INPP4B: variants seen among roughly 807,000 people sequenced by gnomAD.
The protein encoded by INPP4B is inositol polyphosphate 4-phosphatase type II.
INPP4B carries 55 observed loss-of-function variants against 122.5 expected under a neutral mutation model. The ratio of observed to expected loss-of-function variants is 0.45; its 90% confidence interval spans 0.36 to 0.56. The LOEUF (loss-of-function observed/expected upper bound fraction) is 0.56, where lower values mean the gene tolerates loss of function less well. Ranked by LOEUF, INPP4B falls within the 20% of genes least tolerant of loss-of-function variation. The pLI is 0.00. For missense variants in INPP4B, 1,000 were observed against 1,097.7 expected (o/e 0.91, Z 1.26); for synonymous variants, 403 against 388.7 (o/e 1.04, Z -0.43).
intron 1 of INPP4B, among the ~76,000 whole-genome samples, chr4:142,811,188 C>CAT (rs1358889013): frequency 6.6e-6 from 1 of 152,306 alleles, no homozygotes; most frequent in East Asian, 1.9e-4. Flanking sequence ...TCCACCTGTG[C>CAT]ATATATATGC....
intron 18 of INPP4B, 35 bp from the exon 19 acceptor site, chr4:142,124,795 T>C: frequency 7.1e-6 from 10 of 1,417,742 alleles, no homozygotes; most frequent in Non-Finnish European, 9.4e-6. Context: ...GTGCAATAGA[T>C]GAAGGAAGGT....
intron 18 of INPP4B, among the ~76,000 whole-genome samples, chr4:142,126,774 C>A (rs1158027241): frequency 6.7e-6 from 1 of 148,826 alleles, no homozygotes; most frequent in Non-Finnish European, 1.5e-5. Context: ...AATAGAGGTA[C>A]ACTGAACTTT....
intron 1 of INPP4B, chr4:142,795,433 T>C (rs1000971141): frequency 4.6e-5 from 7 of 152,024 alleles, no homozygotes; most frequent in African/African-American, 1.7e-4. Context: ...TCACTTTGTA[T>C]ACCTTATGCA....
At chr4:142,720,751 T>TATATATATGAATATATATATATATAC (rs1560996251) in intron 2 of INPP4B, among the ~76,000 whole-genome samples, 12 of 87,444 alleles carry the variant, frequency 1.4e-4, no homozygotes, top group East Asian at 3.8e-4. Context: ...TATATATACA[T>TATATATATGAATATATATATATATAC]ATATATATAA....
chr4:142,557,380 T>C (rs1424068220), intron 2 of INPP4B, among the ~76,000 whole-genome samples: 1 of 152,172 alleles, frequency 6.6e-6, no homozygotes, highest in Non-Finnish European at 1.5e-5. Context: ...CTGTAAAGAA[T>C]TACTTCAAAG....
At chr4:142,527,643 T>A (rs2149966633) in intron 2 of INPP4B, among the ~76,000 whole-genome samples, 1 of 152,164 alleles carries the variant, frequency 6.6e-6, no homozygotes, top group Non-Finnish European at 1.5e-5. Flanking sequence ...TAGGGTAATT[T>A]TACTATGTTG....
chr4:142,737,353 C>A (rs886796344), intron 1 of INPP4B, among the ~76,000 whole-genome samples: 21 of 152,162 alleles, frequency 1.4e-4, no homozygotes, highest in Admixed American at 3.3e-4. Context: ...CAAAAACAAG[C>A]AATGGGGAAA....
rs902626626 is a variant in INPP4B at position 142,737,792 on chromosome 4, A to G, written c.-253-11891T>C. ...AAAAAAACAACCCCATCAAAAAGTG[A>G]GCGAAGGATATGAACAGACACTTCT... On this transcript the variant is annotated intron_variant, in intron 1 of 25. Transcript: ENST00000262992. Among the ~76,000 whole-genome samples, 128 of 152,176 alleles carry G rather than the reference A, an allele frequency of 8.4e-4. No individual in the cohort carries two copies. In the Middle Eastern group the frequency reaches 0.014, roughly 16 times the overall value.
At chr4:142,343,462 A>C (rs1000952706) in intron 7 of INPP4B, among the ~76,000 whole-genome samples, 2 of 150,418 alleles carry the variant, frequency 1.3e-5, no homozygotes, top group Admixed American at 6.7e-5. Context: ...AATTCACATA[A>C]ATTTCTATAC....
At chr4:142,451,725 T>C (rs1814274989) in intron 3 of INPP4B, among the ~76,000 whole-genome samples, 1 of 152,112 alleles carries the variant, frequency 6.6e-6, no homozygotes, top group African/African-American at 2.4e-5. Context: ...TCCATGATCA[T>C]TGGAACTGGC....
chr4:142,701,864 A>G (rs1474237979), intron 2 of INPP4B, among the ~76,000 whole-genome samples: 1 of 152,246 alleles, frequency 6.6e-6, no homozygotes, highest in African/African-American at 2.4e-5. Context: ...TTGAATGAAC[A>G]CAATAAATAT....
At chr4:142,535,929 C>T (rs774670225) in intron 2 of INPP4B, among the ~76,000 whole-genome samples, 3 of 152,176 alleles carry the variant, frequency 2.0e-5, no homozygotes, top group Non-Finnish European at 2.9e-5. Flanking sequence ...ATCCTTTTCT[C>T]AGACTCCCTA....
At chr4:142,340,837 G>C (rs1778464103) in intron 7 of INPP4B, among the ~76,000 whole-genome samples, 1 of 151,484 alleles carries the variant, frequency 6.6e-6, no homozygotes. Flanking sequence ...TCTAGAGTAG[G>C]CAAAAAAAAT....
intron 24 of INPP4B, among the ~76,000 whole-genome samples, chr4:142,084,661 T>G (rs984812745): frequency 6.6e-6 from 1 of 152,164 alleles, no homozygotes; most frequent in African/African-American, 2.4e-5. Flanking sequence ...CAGTGGTGAA[T>G]TGTGAGTAAA....
intron 2 of INPP4B, among the ~76,000 whole-genome samples, chr4:142,550,428 C>T (rs944279058): frequency 6.6e-6 from 1 of 151,922 alleles, no homozygotes; most frequent in Non-Finnish European, 1.5e-5. Flanking sequence ...AGAGAAGTGG[C>T]TCAAGAGGGC....
chr4:142,181,117 A>G (rs1440490619), intron 15 of INPP4B, among the ~76,000 whole-genome samples: 2 of 152,172 alleles, frequency 1.3e-5, no homozygotes, highest in Non-Finnish European at 2.9e-5. Flanking sequence ...TCTTCTTCCC[A>G]TAAGAGCTTG....
At chr4:142,029,859 GTTCT>G in intron 25 of INPP4B, 2 of 1,083,088 alleles carry the variant, frequency 1.8e-6, no homozygotes, top group Non-Finnish European at 2.2e-6. Flanking sequence ...TCAGGATTCT[GTTCT>G]TTGTCTTATT....
At chr4:142,478,520 C>T (rs977889582) in intron 2 of INPP4B, among the ~76,000 whole-genome samples, 8 of 152,116 alleles carry the variant, frequency 5.3e-5, no homozygotes, top group Non-Finnish European at 1.0e-4. Flanking sequence ...TTATTGAAAG[C>T]ATTTTCTGCA....
chr4:142,498,057 T>C (rs774781329), intron 2 of INPP4B, among the ~76,000 whole-genome samples: 29 of 151,772 alleles, frequency 1.9e-4, no homozygotes, highest in South Asian at 4.2e-4. Context: ...AACTTGAAAT[T>C]ATAGCACAAC....
Sources: allele counts gnomAD v4.1 joint callset (sites outside exome capture counted in the v4.1 genomes callset), GRCh38; gene constraint gnomAD v4.1.1; transcripts MANE v1.5; gene names NCBI Gene and HGNC (gene_info 2026-07-23, HGNC 2026-07-21).